Variants in MCTP2 observed in about 807,000 individuals in gnomAD.
The protein encoded by MCTP2 is multiple C2 and transmembrane domain containing 2.
Under a neutral mutation model 111.6 loss-of-function variants are expected in MCTP2, and 132 were observed. The ratio of observed to expected loss-of-function variants is 1.18; its 90% CI spans 1.03 to 1.37. The LOEUF (loss-of-function observed/expected upper bound fraction) is 1.37, where lower values mean the gene tolerates loss of function less well. Ranked by LOEUF, MCTP2 falls within the 40% of genes most tolerant of loss-of-function variation. The pLI is 0.00. For missense variants in MCTP2, 1,183 were observed against 1,067.9 expected, an observed-to-expected ratio of 1.11 and a Z score of -1.50; for synonymous variants, 395 against 387.7, an observed-to-expected ratio of 1.02 and a Z score of -0.22.
intron 17 of MCTP2, among the ~76,000 whole-genome samples, chr15:94,427,908 G>A (rs2082972483): frequency 2.0e-5 from 3 of 152,130 alleles, no homozygotes; most frequent in African/African-American, 7.2e-5. Flanking sequence ...AAAAGCTGAA[G>A]TTTATCTTGC....
At chr15:94,295,406 C>T (rs2075227424) in intron 1 of MCTP2, among the ~76,000 whole-genome samples, 1 of 152,288 alleles carries the variant, frequency 6.6e-6, no homozygotes, top group South Asian at 2.1e-4. Flanking sequence ...TGTTGAAACA[C>T]ATATGGCTCC....
chr15:94,378,550 A>C (rs1457474447), intron 12 of MCTP2, among the ~76,000 whole-genome samples: 3 of 152,208 alleles, frequency 2.0e-5, no homozygotes, highest in African/African-American at 7.2e-5. Flanking sequence ...ACAAATAAAA[A>C]GGAAACTTTC....
At chr15:94,452,694 G>C (rs1259238017) in intron 19 of MCTP2, among the ~76,000 whole-genome samples, 3 of 152,152 alleles carry the variant, frequency 2.0e-5, no homozygotes, top group Admixed American at 6.5e-5. Context: ...AGTTCAAGCA[G>C]GGTATAGCCA....
intron 4 of MCTP2, among the ~76,000 whole-genome samples, chr15:94,318,340 G>T (rs899424475): frequency 6.7e-6 from 1 of 149,670 alleles, no homozygotes; most frequent in African/African-American, 2.5e-5. Context: ...CTGGAGTGCA[G>T]TGGCACAATC....
intron 4 of MCTP2, among the ~76,000 whole-genome samples, chr15:94,336,287 G>T (rs551493205): frequency 6.6e-6 from 1 of 152,114 alleles, no homozygotes; most frequent in Admixed American, 6.5e-5. Flanking sequence ...CTTCTTTATT[G>T]CAGCCTCCAC....
intron 4 of MCTP2, among the ~76,000 whole-genome samples, chr15:94,322,113 C>A (rs2076656486): frequency 1.3e-5 from 2 of 152,078 alleles, no homozygotes; most frequent in Admixed American, 6.6e-5. Flanking sequence ...TCAAGAGTCA[C>A]CTGTATTTTA....
At chr15:94,434,428 A>G (rs572934103) in intron 17 of MCTP2, among the ~76,000 whole-genome samples, 1 of 151,918 alleles carries the variant, frequency 6.6e-6, no homozygotes, top group Non-Finnish European at 1.5e-5. Flanking sequence ...TTGTGTCCTA[A>G]GAAATCTTTG....
At chr15:94,442,593 G>C (rs980817104) in intron 18 of MCTP2, among the ~76,000 whole-genome samples, 1 of 152,206 alleles carries the variant, frequency 6.6e-6, no homozygotes, top group African/African-American at 2.4e-5. Context: ...CCTTAACGTA[G>C]CAGTTGGTTC....
intron 1 of MCTP2, among the ~76,000 whole-genome samples, chr15:94,257,909 A>T (rs532725678): frequency 6.7e-6 from 1 of 148,192 alleles, no homozygotes; most frequent in Non-Finnish European, 1.5e-5. Context: ...AGATGGAATC[A>T]TGCTCTGCCG....
chr15:94,243,403 G>C lies in MCTP2; in HGVS notation c.-66+11739G>C, dbSNP rs1451155140. Among the ~76,000 whole-genome samples the C allele has an allele frequency of 2.8e-5, 4 of 142,402 alleles. No homozygotes were observed. The East Asian group carries it at 8.3e-4, about 29-fold the overall frequency. The allele number at this position is 142,402 out of a possible 152,430, so 93.4% of individuals were successfully genotyped here. ...TACATACGTATGCGTATATGCGTAT[G>C]TACATACATACGTATGCGTATATGC... On this transcript the variant is annotated intron_variant, in intron 1 of 22. Transcript: ENST00000357742.
At chr15:94,435,581 C>T (rs750271262) in intron 17 of MCTP2, among the ~76,000 whole-genome samples, 2 of 147,058 alleles carry the variant, frequency 1.4e-5, no homozygotes, top group East Asian at 4.1e-4. Flanking sequence ...GGATTTTGTA[C>T]ATTTAAAAAA....
chr15:94,474,612 A>G (rs543180873), intron 21 of MCTP2, among the ~76,000 whole-genome samples: 6 of 152,254 alleles, frequency 3.9e-5, no homozygotes, highest in Admixed American at 3.3e-4. Context: ...TAATCCCAGC[A>G]CTTTGGGAGG....
chr15:94,283,435 T>A (rs1596265678), intron 1 of MCTP2, among the ~76,000 whole-genome samples: 1 of 152,036 alleles, frequency 6.6e-6, no homozygotes, highest in Non-Finnish European at 1.5e-5. Flanking sequence ...CAGGCTGGAG[T>A]TCTGTCTCTG....
At chr15:94,379,081 T>A (rs537749374) in intron 12 of MCTP2, among the ~76,000 whole-genome samples, 31 of 151,878 alleles carry the variant, frequency 2.0e-4, no homozygotes, top group African/African-American at 6.5e-4. Flanking sequence ...TTTTTTTTTT[T>A]AATGTTTTCC....
intron 1 of MCTP2, among the ~76,000 whole-genome samples, chr15:94,246,987 C>T (rs2072060702): frequency 2.0e-5 from 3 of 152,146 alleles, no homozygotes; most frequent in Admixed American, 6.5e-5. Flanking sequence ...AAGACAAACT[C>T]CCATGATCTG....
At chr15:94,245,234 ATG>A (rs1464883624) in intron 1 of MCTP2, among the ~76,000 whole-genome samples, 3 of 140,170 alleles carry the variant, frequency 2.1e-5, no homozygotes, top group African/African-American at 8.1e-5. Flanking sequence ...ATACATATGT[ATG>A]TATATATACA....
chr15:94,325,796 C>A (rs958511298), intron 4 of MCTP2, among the ~76,000 whole-genome samples: 2 of 144,782 alleles, frequency 1.4e-5, no homozygotes, highest in African/African-American at 5.1e-5. Flanking sequence ...TGAACCTACT[C>A]TACTCCATCG....
chr15:94,348,813 G>T (rs1425389199), intron 8 of MCTP2, among the ~76,000 whole-genome samples: 2 of 151,812 alleles, frequency 1.3e-5, no homozygotes, highest in Non-Finnish European at 2.9e-5. Flanking sequence ...TTTGTTTGTT[G>T]TACTGTTTTT....
chr15:94,243,474 T>C (rs549442630), intron 1 of MCTP2, among the ~76,000 whole-genome samples: 4 of 146,512 alleles, frequency 2.7e-5, no homozygotes, highest in Admixed American at 6.8e-5. Flanking sequence ...CGTATATGCG[T>C]ATGTACACAC....
Sources: allele counts gnomAD v4.1 joint callset (sites outside exome capture counted in the v4.1 genomes callset), GRCh38; gene constraint gnomAD v4.1.1; transcripts MANE v1.5; gene names NCBI Gene and HGNC (gene_info 2026-07-23, HGNC 2026-07-21).